Variants in SCNN1G observed in about 807,000 individuals in gnomAD.
SCNN1G encodes the protein epithelial sodium channel subunit gamma.
SCNN1G carries 27 observed loss-of-function variants against 64.6 expected under a neutral mutation model. The ratio of observed to expected loss-of-function variants is 0.42; its 90% CI spans 0.31 to 0.58. The LOEUF is 0.58. Ranked by LOEUF, SCNN1G falls within the 20% of genes least tolerant of loss-of-function variation. The probability of loss-of-function intolerance (pLI) is 0.18; values close to 1 mark genes in which losing one functional copy is unlikely to be tolerated. For missense variants in SCNN1G, 743 were observed against 823.4 expected, an observed-to-expected ratio of 0.90 and a Z score of 1.19; for synonymous variants, 330 against 314.2, an observed-to-expected ratio of 1.05 and a Z score of -0.53.
At position 23,209,917 on chromosome 16, in the gene SCNN1G, A is replaced by G. The variant is rs4281710; in HGVS notation, c.1176+69A>G. On this transcript the variant is annotated intron_variant, in intron 7 of 12. Coordinates refer to ENST00000300061, the MANE Select transcript of SCNN1G (RefSeq NM_001039.4). ...GACCCAGGAGACAAAGTTATATCTAAGCTGGGGTGTGGCTTGCACCAGGAA... is the reference window on the plus strand; with the variant it reads ...GACCCAGGAGACAAAGTTATATCTAGGCTGGGGTGTGGCTTGCACCAGGAA... The G allele has an allele frequency of 0.8, 888,226 of 1,108,250 alleles. 357,872 individuals are homozygous for G. The highest frequency in any genetic ancestry group is 0.89 in the East Asian group (37,562 of 42,194). The allele number at this position is 1,108,250 out of a possible 1,614,324, so 68.7% of individuals were successfully genotyped here.
chr16:23,215,675 A>C lies in SCNN1G; in HGVS notation c.*206A>C, dbSNP rs573093388. 1.6e-5 allele frequency: 10 copies of C among 622,970 alleles called. 1 individual carries two copies. In the South Asian group the frequency reaches 1.7e-4, roughly 11 times the overall value. The allele number at this position is 622,970 out of a possible 1,614,324, so 38.6% of individuals were successfully genotyped here. ...TCGGGTACTACGCAGCAACACTCAC[A>C]ACTGTCCAGGCTGAGATAAATCCCG... On this transcript the variant is annotated 3_prime_UTR_variant, in exon 13 of 13. Transcript: ENST00000300061.
chr16:23,207,725 T>C (rs1019882370), intron 6 of SCNN1G, among the ~76,000 whole-genome samples: 2 of 152,114 alleles, frequency 1.3e-5, no homozygotes, highest in African/African-American at 4.8e-5. Flanking sequence ...GTTTAAACAG[T>C]TTTAAATGAG....
Position 23,215,521 on chromosome 16 carries a change from A to T in SCNN1G, c.*52A>T, listed in dbSNP as rs1260865296. The T allele has an allele frequency of 6.3e-7, 1 of 1,595,066 alleles. No homozygotes were observed. The highest frequency in any genetic ancestry group is 1.3e-5 in the African/African-American group (1 of 74,794). ...CAGGACCACCAGCCATGGTCTAAGG[A>T]CATGGATCGGGTGCCCCCAGACGTG... On this transcript the variant is annotated 3_prime_UTR_variant, in exon 13 of 13. Transcript: ENST00000300061.
intron 6 of SCNN1G, among the ~76,000 whole-genome samples, chr16:23,197,848 C>A (rs1364291380): frequency 6.6e-6 from 1 of 150,962 alleles, no homozygotes; most frequent in East Asian, 2.0e-4. Flanking sequence ...CCACTGCACT[C>A]CAGCCGAGCA....
In SCNN1G at chr16:23,194,210, C is replaced by T. The variant is rs375363644; in HGVS notation, c.849C>T (p.Cys283=). Reference sequence around the variant, plus strand: ...TCCACCACCCGATGCATGGGAATTGCTATACTTTCAACAACAGAGAAAATG... The same window carrying T: ...TCCACCACCCGATGCATGGGAATTGTTATACTTTCAACAACAGAGAAAATG... ...TLFHHPMHGN[C]YTFNNRENET... is the part of the protein sequence containing the mutation. The change falls in exon 5 of 13, where the codon TGC becomes TGT. Residue 283 remains cysteine (C), a synonymous_variant. Transcript: ENST00000300061. 1.9e-6 allele frequency: 3 copies of T among 1,613,884 alleles called. No individual in the cohort carries two copies. The highest frequency in any genetic ancestry group is 2.5e-6 in the Non-Finnish European group (3 of 1,179,930).
At position 23,189,543 on chromosome 16, in the gene SCNN1G, G is replaced by C. The variant is rs747084764; in HGVS notation, c.490G>C (p.Asp164His). Reference protein sequence around the residue: ...FSHRIPLLIFDQDEKGKARDF... With the variant: ...FSHRIPLLIFHQDEKGKARDF... ...CCACCGGATTCCGCTGCTGATCTTT[G>C]ATCAGGATGAGAAGGGCAAGGCCAG... The change falls in exon 3 of 13, where the codon GAT (aspartate) becomes CAT (histidine). Residue 164 changes from aspartate to histidine, a missense_variant. Coordinates refer to ENST00000300061, the MANE Select transcript of SCNN1G (RefSeq NM_001039.4). 1.2e-6 allele frequency: 2 copies of C among 1,614,252 alleles called. No individual in the cohort carries two copies. Among genetic ancestry groups the C allele is most frequent in the South Asian group, 1.1e-5 (1 of 91,084 alleles).
chr16:23,191,626 G>A (rs931751015), intron 3 of SCNN1G, among the ~76,000 whole-genome samples: 3 of 151,960 alleles, frequency 2.0e-5, no homozygotes, highest in East Asian at 1.9e-4. Flanking sequence ...GGGTTTAGCC[G>A]TGTTGCCCGG....
chr16:23,212,245 T>C lies in SCNN1G; in HGVS notation c.1294+94T>C, dbSNP rs143088555. ...CTCCTGGGACTCCACCCCTGTTGCC[T>C]TTTGCGTGAGGGAGGTATTGGTTGA... On this transcript the variant is annotated intron_variant, in intron 8 of 12. Transcript: ENST00000300061. 270 of 827,868 alleles carry C rather than the reference T, an allele frequency of 3.3e-4. 5 individuals are homozygous for C. The East Asian group carries it at 6.4e-3, about 20-fold the overall frequency. The allele number at this position is 827,868 out of a possible 1,614,324, so 51.3% of individuals were successfully genotyped here.
chr16:23,193,069 C>CAAAA lies in SCNN1G; in HGVS notation c.809+552_809+555dup, dbSNP rs56318076. 8.7e-4 allele frequency among the ~76,000 whole-genome samples: 60 copies of CAAAA among 69,122 alleles called. 1 individual carries two copies. Among genetic ancestry groups the CAAAA allele is most frequent in the East Asian group, 1.9e-3 (4 of 2,090 alleles). 45.3% of individuals were successfully genotyped at this position (69,122 alleles called of 152,430 possible). A position where few individuals can be genotyped will look rare whatever the true frequency, so the allele number is the denominator to read the frequency against. On this transcript the variant is annotated intron_variant, in intron 4 of 12. Coordinates refer to ENST00000300061, the MANE Select transcript of SCNN1G (RefSeq NM_001039.4). Reference sequence around the variant, plus strand: ...GGGCTGCAGAGTGAGACTCTTGTCTCAAAAAAAAAAAAAAAAAAAAAAAAA... The same window carrying CAAAA: ...GGGCTGCAGAGTGAGACTCTTGTCTCAAAAAAAAAAAAAAAAAAAAAAAAAAAAA...
At position 23,187,317 on chromosome 16, in the gene SCNN1G, C is replaced by G. The variant is rs188343093; in HGVS notation, c.317+729C>G. On this transcript the variant is annotated intron_variant, in intron 2 of 12. Transcript: ENST00000300061. The stretch of plus-strand genomic sequence containing the variant: ...AGAGATGGGGTCTCGCTATGTTACT[C>G]AGGCTGGTCTCAAACTCCTGAGCTC... Among the ~76,000 whole-genome samples the G allele has an allele frequency of 5.4e-4, 82 of 152,202 alleles. 1 individual carries two copies. Among genetic ancestry groups the G allele is most frequent in the African/African-American group, 1.4e-3 (58 of 41,542 alleles).
At chr16:23,214,832 A>C in intron 12 of SCNN1G, 45 bp downstream of exon 12, 6 of 1,473,804 alleles carry the variant, frequency 4.1e-6, no homozygotes, top group Non-Finnish European at 5.7e-6. Context: ...GGGCCTACAA[A>C]TGTGAGCATC....
intron 1 of SCNN1G, among the ~76,000 whole-genome samples, 154 bp from the exon 2 acceptor site, chr16:23,186,074 G>A (rs530178540): frequency 1.3e-5 from 2 of 152,206 alleles, no homozygotes; most frequent in Admixed American, 1.3e-4. Context: ...AAGGGGCCAA[G>A]GATTCAGAAT....
intron 8 of SCNN1G, 92 bp downstream of exon 8, chr16:23,212,243 C>T: frequency 1.2e-6 from 1 of 835,056 alleles, no homozygotes; most frequent in South Asian, 1.3e-5. Flanking sequence ...ACCCCTGTTG[C>T]CTTTTGCGTG....
chr16:23,205,272 C>T (rs1018699281), intron 6 of SCNN1G, among the ~76,000 whole-genome samples: 7 of 152,202 alleles, frequency 4.6e-5, no homozygotes, highest in Non-Finnish European at 1.0e-4. Context: ...GACCATAATA[C>T]GGTCCGTTGA....
At chr16:23,207,652 G>A (rs1960011292) in intron 6 of SCNN1G, among the ~76,000 whole-genome samples, 1 of 152,246 alleles carries the variant, frequency 6.6e-6, no homozygotes, top group Non-Finnish European at 1.5e-5. Flanking sequence ...TGATCTGCTA[G>A]TGCGGGCACC....
At chr16:23,192,172 G>T (rs1265715786) in intron 3 of SCNN1G, among the ~76,000 whole-genome samples, 180 bp from the exon 4 acceptor site, 2 of 152,044 alleles carry the variant, frequency 1.3e-5, no homozygotes, top group African/African-American at 4.8e-5. Context: ...TTTGGTCCTT[G>T]AGGCTTGAGG....
chr16:23,211,944 G>A, intron 7 of SCNN1G, 90 bp from the exon 8 acceptor site: 2 of 967,886 alleles, frequency 2.1e-6, no homozygotes, highest in South Asian at 2.6e-5. Context: ...GGTTAAGGGA[G>A]GCTGACCCCC....
intron 6 of SCNN1G, among the ~76,000 whole-genome samples, chr16:23,209,538 G>A (rs570645424): frequency 5.9e-5 from 9 of 152,270 alleles, no homozygotes; most frequent in Admixed American, 2.6e-4. Flanking sequence ...GGAGAGCAGG[G>A]AACTTATCTA....
chr16:23,189,789 G>A, intron 3 of SCNN1G, 118 bp downstream of exon 3: 1 of 1,029,364 alleles, frequency 9.7e-7, no homozygotes, highest in Non-Finnish European at 1.5e-6. Context: ...CACCCAGCTG[G>A]GGTCAGACAC....
Sources: allele counts gnomAD v4.1 joint callset (sites outside exome capture counted in the v4.1 genomes callset), GRCh38; gene constraint gnomAD v4.1.1; transcripts MANE v1.5; gene names NCBI Gene and HGNC (gene_info 2026-07-23, HGNC 2026-07-21).